ACSS3: variants seen among roughly 807,000 people sequenced by gnomAD.
The protein encoded by ACSS3 is acyl-CoA synthetase short-chain family member 3, mitochondrial.
Under a neutral mutation model 84.2 loss-of-function variants are expected in ACSS3, and 64 were observed. The observed-to-expected ratio is 0.76, with a 90% CI of 0.62 to 0.94. The LOEUF is 0.94. ACSS3 is among the 40% of genes least tolerant of loss of function. The probability of loss-of-function intolerance (pLI) is 0.00; values close to 1 mark genes in which losing one functional copy is unlikely to be tolerated. For synonymous variants in ACSS3, 317 were observed against 310.1 expected (o/e 1.02, Z -0.23); for missense variants, 815 against 867.6 (o/e 0.94, Z 0.76).
chr12:81,196,892 C>T (rs1373706665), intron 8 of ACSS3, among the ~76,000 whole-genome samples: 1 of 152,090 alleles, frequency 6.6e-6, no homozygotes, highest in East Asian at 1.9e-4. Context: ...GGCCCCACCT[C>T]CAATACTGGG....
At chr12:81,190,789 A>G (rs1343667576) in intron 8 of ACSS3, among the ~76,000 whole-genome samples, 2 of 151,908 alleles carry the variant, frequency 1.3e-5, no homozygotes, top group African/African-American at 4.8e-5. Context: ...CAAAGTTTCT[A>G]TTTTTGGTGT....
intron 13 of ACSS3, among the ~76,000 whole-genome samples, chr12:81,240,124 C>T (rs1281169820): frequency 6.6e-6 from 1 of 151,894 alleles, no homozygotes; most frequent in African/African-American, 2.4e-5. Flanking sequence ...TATGTCCTTA[C>T]TGATTGTGTG....
intron 11 of ACSS3, among the ~76,000 whole-genome samples, chr12:81,230,114 T>G (rs904511442): frequency 6.6e-6 from 1 of 151,872 alleles, no homozygotes; most frequent in Admixed American, 6.6e-5. Flanking sequence ...GCATGAGAAC[T>G]ACGAATTTAC....
intron 11 of ACSS3, among the ~76,000 whole-genome samples, chr12:81,227,922 G>A (rs1236412694): frequency 2.0e-5 from 3 of 151,510 alleles, no homozygotes; most frequent in East Asian, 3.9e-4. Flanking sequence ...TCTCTTCGCT[G>A]CCATTTCCCA....
Position 81,134,979 on chromosome 12 carries a change from T to C in ACSS3, c.620T>C (p.Leu207Pro). 3.1e-6 allele frequency: 5 copies of C among 1,604,184 alleles called. No homozygotes were observed. The highest frequency in any genetic ancestry group is 1.3e-5 in the African/African-American group (1 of 74,838). Residue 207 changes from leucine (L) to proline (P), a missense_variant, in exon 3 of 16, where the codon CTA becomes CCA. Physicochemically the swap from Leu to Pro is moderately conservative, Grantham distance 98 (BLOSUM62 -3). Transcript: ENST00000548058. ...TTTGGAGGATTTGCTTCCAAAGAAC[T>C]AAGTAGTCGCATTGATCATGTAAAG... ...LIFGGFASKELSSRIDHVKPK... is the reference protein window; with the variant it reads ...LIFGGFASKEPSSRIDHVKPK...
chr12:81,195,222 G>C (rs1161781102), intron 8 of ACSS3, among the ~76,000 whole-genome samples: 1 of 151,900 alleles, frequency 6.6e-6, no homozygotes, highest in Non-Finnish European at 1.5e-5. Context: ...CATCACAGGA[G>C]TTTTCTAAAA....
At chr12:81,241,894 G>C (rs2033818638) in intron 13 of ACSS3, among the ~76,000 whole-genome samples, 1 of 152,094 alleles carries the variant, frequency 6.6e-6, no homozygotes, top group Admixed American at 6.6e-5. Flanking sequence ...TGGTGTTTTA[G>C]ACATGAAGTT....
intron 8 of ACSS3, among the ~76,000 whole-genome samples, chr12:81,184,684 A>T (rs1019580072): frequency 2.6e-5 from 4 of 151,694 alleles, no homozygotes; most frequent in Non-Finnish European, 5.9e-5. Context: ...AAATGGATAA[A>T]TTCCTAGAAA....
intron 7 of ACSS3, among the ~76,000 whole-genome samples, chr12:81,159,159 G>T (rs1318186189): frequency 6.6e-6 from 1 of 152,110 alleles, no homozygotes; most frequent in Admixed American, 6.5e-5. Context: ...TATAGACAGA[G>T]ATTTACTTTT....
intron 11 of ACSS3, among the ~76,000 whole-genome samples, chr12:81,224,666 G>A (rs1593218109): frequency 1.3e-5 from 2 of 151,490 alleles, no homozygotes; most frequent in South Asian, 2.1e-4. Context: ...ACCTGTGGTC[G>A]ACCATAGTCC....
At chr12:81,199,140 A>G (rs2031983092) in intron 8 of ACSS3, among the ~76,000 whole-genome samples, 1 of 152,000 alleles carries the variant, frequency 6.6e-6, no homozygotes, top group African/African-American at 2.4e-5. Flanking sequence ...GAAGTACCTC[A>G]CTCCAATTCT....
At chr12:81,184,618 G>T (rs1393586622) in intron 8 of ACSS3, among the ~76,000 whole-genome samples, 2 of 151,788 alleles carry the variant, frequency 1.3e-5, no homozygotes, top group East Asian at 3.9e-4. Context: ...AAATAAAGAG[G>T]ATCGTAAGGG....
intron 8 of ACSS3, among the ~76,000 whole-genome samples, chr12:81,197,028 GT>G (rs1180092694): frequency 2.0e-5 from 3 of 152,054 alleles, no homozygotes; most frequent in Non-Finnish European, 2.9e-5. Flanking sequence ...ATTTTATTCT[GT>G]GAATATCTTT....
chr12:81,175,904 A>G (rs1291181786), intron 8 of ACSS3, among the ~76,000 whole-genome samples: 1 of 152,188 alleles, frequency 6.6e-6, no homozygotes, highest in Non-Finnish European at 1.5e-5. Context: ...AAAGTTAGAA[A>G]AATCTCAAAT....
intron 7 of ACSS3, among the ~76,000 whole-genome samples, chr12:81,153,162 C>A (rs1886695362): frequency 6.6e-6 from 1 of 152,094 alleles, no homozygotes; most frequent in East Asian, 1.9e-4. Flanking sequence ...AATCCCAGCA[C>A]TTTGGGAGGC....
chr12:81,135,089 C>G, intron 3 of ACSS3, 85 bp downstream of exon 3: 1 of 1,182,374 alleles, frequency 8.5e-7, no homozygotes, highest in Non-Finnish European at 1.1e-6. Context: ...TGAGAATGCT[C>G]TATACTTGTT....
chr12:81,239,804 T>C (rs2033736594), intron 13 of ACSS3, among the ~76,000 whole-genome samples: 1 of 151,938 alleles, frequency 6.6e-6, no homozygotes, highest in Non-Finnish European at 1.5e-5. Flanking sequence ...AAATAAAACA[T>C]TTTAATTTTC....
At chr12:81,243,014 T>G (rs2033860711) in intron 13 of ACSS3, among the ~76,000 whole-genome samples, 1 of 151,828 alleles carries the variant, frequency 6.6e-6, no homozygotes, top group African/African-American at 2.4e-5. Context: ...GCTAGGGCAA[T>G]TAGGCAAGAG....
chr12:81,172,927 A>G (rs1478795965), intron 7 of ACSS3, among the ~76,000 whole-genome samples: 1 of 152,194 alleles, frequency 6.6e-6, no homozygotes, highest in Non-Finnish European at 1.5e-5. Flanking sequence ...AGTGGAGGTT[A>G]AATTATCCTA....
Sources: gnomAD v4.1 joint callset for allele counts (sites outside exome capture counted in the v4.1 genomes callset) on GRCh38, gnomAD v4.1.1 for gene constraint, MANE v1.5 for transcripts, NCBI Gene and HGNC (gene_info 2026-07-23, HGNC 2026-07-21) for gene names.